Variants in GAS2 observed in about 807,000 individuals in gnomAD.
GAS2 encodes growth arrest specific 2.
A neutral mutation model predicts 37.5 loss-of-function variants in GAS2; 20 were observed. The observed-to-expected ratio is 0.53, with a 90% CI of 0.37 to 0.77. GAS2 has a LOEUF of 0.77. GAS2 is among the 30% of genes least tolerant of loss of function. The probability of loss-of-function intolerance (pLI) is 0.00; values close to 1 mark genes in which losing one functional copy is unlikely to be tolerated. For missense variants in GAS2, 336 were observed against 373.4 expected, an observed-to-expected ratio of 0.90 and a Z score of 0.82; for synonymous variants, 144 against 132.2, an observed-to-expected ratio of 1.09 and a Z score of -0.61.
At chr11:22,677,973 C>CT (rs5790278) in intron 2 of GAS2, among the ~76,000 whole-genome samples, 5 of 151,454 alleles carry the variant, frequency 3.3e-5, no homozygotes, top group Admixed American at 1.3e-4. Flanking sequence ...AAATGAATGA[C>CT]TTTTTTTTTC....
chr11:22,738,351 T>A (rs1852867300), intron 5 of GAS2, among the ~76,000 whole-genome samples: 1 of 152,186 alleles, frequency 6.6e-6, no homozygotes, highest in Non-Finnish European at 1.5e-5. Context: ...AGAATTAATT[T>A]CAGAAATCAT....
chr11:22,688,782 G>A (rs1053754861), intron 3 of GAS2, among the ~76,000 whole-genome samples: 2 of 151,976 alleles, frequency 1.3e-5, no homozygotes, highest in Non-Finnish European at 2.9e-5. Context: ...TGTGTTACTT[G>A]AACAAGTGGA....
chr11:22,789,301 TATACACACACACAC>T (rs1280703757), intron 7 of GAS2, among the ~76,000 whole-genome samples: 1 of 98,220 alleles, frequency 1.0e-5, no homozygotes, highest in Non-Finnish European at 1.9e-5. Context: ...TATATATATA[TATACACACACACAC>T]ACACACACAC....
chr11:22,641,218 ATGTGTGTGTG>A (rs1162937201), intron 1 of GAS2, among the ~76,000 whole-genome samples: 59 of 142,186 alleles, frequency 4.1e-4, no homozygotes, highest in Non-Finnish European at 7.5e-4. Flanking sequence ...ATATATATAT[ATGTGTGTGTG>A]TATATATATA....
At chr11:22,801,141 C>G (rs564862620) in intron 7 of GAS2, among the ~76,000 whole-genome samples, 1 of 151,898 alleles carries the variant, frequency 6.6e-6, no homozygotes, top group Non-Finnish European at 1.5e-5. Context: ...AAGTTCTTAC[C>G]TCCATATAAT....
At chr11:22,744,753 C>T (rs976435017) in intron 5 of GAS2, among the ~76,000 whole-genome samples, 1 of 152,074 alleles carries the variant, frequency 6.6e-6, no homozygotes. Context: ...GGGAATGAGA[C>T]AAGGATGCCT....
intron 1 of GAS2, among the ~76,000 whole-genome samples, chr11:22,646,656 A>G (rs1848698552): frequency 6.6e-6 from 1 of 152,208 alleles, no homozygotes; most frequent in South Asian, 2.1e-4. Flanking sequence ...AGAAACAGAG[A>G]GCCATATGAC....
chr11:22,779,713 CA>C (rs11292924), intron 7 of GAS2, among the ~76,000 whole-genome samples: 137,838 of 149,710 alleles, frequency 0.92, 64,344 homozygotes, highest in East Asian at 1. Flanking sequence ...AAACAAAAAA[CA>C]AAAAAAAAAA....
At chr11:22,694,993 C>T (rs367994628) in intron 3 of GAS2, among the ~76,000 whole-genome samples, 9 of 152,130 alleles carry the variant, frequency 5.9e-5, no homozygotes, top group Non-Finnish European at 1.0e-4. Context: ...AGTATTTTGA[C>T]GCCTGGTAGA....
At chr11:22,751,069 C>T (rs1853702083) in intron 6 of GAS2, among the ~76,000 whole-genome samples, 2 of 151,920 alleles carry the variant, frequency 1.3e-5, no homozygotes, top group African/African-American at 4.8e-5. Context: ...AAACTAAATG[C>T]ACTTTGGACT....
intron 7 of GAS2, among the ~76,000 whole-genome samples, chr11:22,772,469 G>C (rs569005606): frequency 4.6e-4 from 70 of 152,178 alleles, no homozygotes; most frequent in African/African-American, 1.6e-3. Flanking sequence ...TCTTTTAAAG[G>C]GGTGTGTGTA....
intron 3 of GAS2, among the ~76,000 whole-genome samples, chr11:22,701,455 C>G (rs1850837078): frequency 6.6e-6 from 1 of 151,962 alleles, no homozygotes; most frequent in African/African-American, 2.4e-5. Flanking sequence ...AGAATACTCT[C>G]AAGGAGTTTA....
intron 3 of GAS2, among the ~76,000 whole-genome samples, chr11:22,705,389 C>T (rs903609177): frequency 1.2e-4 from 19 of 152,086 alleles, no homozygotes; most frequent in African/African-American, 4.3e-4. Flanking sequence ...CTGAGGCCTT[C>T]CCTGACCAAC....
At chr11:22,790,459 A>G (rs1171317280) in intron 7 of GAS2, among the ~76,000 whole-genome samples, 1 of 152,128 alleles carries the variant, frequency 6.6e-6, no homozygotes, top group African/African-American at 2.4e-5. Flanking sequence ...AAGCATTTTT[A>G]TACTTTTTCA....
chr11:22,737,241 C>T (rs958813063), intron 4 of GAS2, among the ~76,000 whole-genome samples: 1 of 152,048 alleles, frequency 6.6e-6, no homozygotes, highest in African/African-American at 2.4e-5. Flanking sequence ...AAATGTTTAT[C>T]CTTATTTCAT....
intron 4 of GAS2, among the ~76,000 whole-genome samples, chr11:22,736,150 C>T (rs571195727): frequency 6.6e-6 from 1 of 151,972 alleles, no homozygotes; most frequent in South Asian, 2.1e-4. Context: ...CCTTATGTTA[C>T]TTTGTGCTGG....
rs554771095 is a variant in GAS2 at position 22,759,188 on chromosome 11, G to A, written c.723+3235G>A. ...TGCCTGCAAATTTCAAAGGAAGACC[G>A]GGAAGATATTTTCTGCAGAGAATAT... On this transcript the variant is annotated intron_variant, in intron 7 of 7. Coordinates refer to ENST00000454584, the MANE Select transcript of GAS2 (RefSeq NM_001143830.3). 2.6e-5 allele frequency among the ~76,000 whole-genome samples: 4 copies of A among 152,224 alleles called. No homozygotes were observed. In the South Asian group the frequency reaches 6.2e-4, roughly 24 times the overall value.
At chr11:22,764,375 A>G (rs1854560226) in intron 7 of GAS2, among the ~76,000 whole-genome samples, 1 of 152,048 alleles carries the variant, frequency 6.6e-6, no homozygotes, top group Admixed American at 6.5e-5. Flanking sequence ...CCTGGCTAAC[A>G]TGGTGAAACC....
intron 1 of GAS2, among the ~76,000 whole-genome samples, chr11:22,674,364 T>G (rs1849329279): frequency 6.6e-6 from 1 of 152,178 alleles, no homozygotes; most frequent in African/African-American, 2.4e-5. Flanking sequence ...AAAAAAGAAG[T>G]ACTTTGCTTA....
Sources: gnomAD v4.1 joint callset for allele counts (sites outside exome capture counted in the v4.1 genomes callset) on GRCh38, gnomAD v4.1.1 for gene constraint, MANE v1.5 for transcripts, NCBI Gene and HGNC (gene_info 2026-07-23, HGNC 2026-07-21) for gene names.